Variants in POC1A observed in about 807,000 individuals in gnomAD.
POC1A encodes POC1 centriolar protein homolog A.
In POC1A, 34 loss-of-function variants were observed where a neutral mutation model predicts 47.8. The ratio of observed to expected loss-of-function variants is 0.71; its 90% confidence interval spans 0.54 to 0.95. The LOEUF is 0.95. Ranked by LOEUF, POC1A falls within the 40% of genes least tolerant of loss-of-function variation. The pLI, the probability that POC1A is intolerant of heterozygous loss-of-function variation, is 0.00. For missense variants in POC1A, 466 were observed against 528.3 expected (o/e 0.88, Z 1.16); for synonymous variants, 177 against 207.6 (o/e 0.85, Z 1.27).
intron 10 of POC1A, among the ~76,000 whole-genome samples, chr3:52,082,695 T>C (rs574399081): frequency 2.0e-5 from 3 of 152,128 alleles, no homozygotes; most frequent in Admixed American, 6.5e-5. Flanking sequence ...CTTCTGAGCA[T>C]GGTATAAAAA....
intron 4 of POC1A, among the ~76,000 whole-genome samples, chr3:52,148,324 C>T (rs1328301118): frequency 1.3e-5 from 2 of 152,202 alleles, no homozygotes; most frequent in East Asian, 3.8e-4. Context: ...TCAGGGGTCT[C>T]CCAGGACAAA....
At chr3:52,136,575 T>C (rs1265563919) in intron 7 of POC1A, among the ~76,000 whole-genome samples, 2 of 151,768 alleles carry the variant, frequency 1.3e-5, no homozygotes, top group African/African-American at 4.8e-5. Flanking sequence ...GGTTCGTTTC[T>C]CTTCTTCTCC....
At chr3:52,106,383 TG>T (rs1214264474) in intron 9 of POC1A, among the ~76,000 whole-genome samples, 1 of 151,692 alleles carries the variant, frequency 6.6e-6, no homozygotes, top group East Asian at 1.9e-4. Context: ...AGGGGCCAGG[TG>T]TGATGGCATG....
chr3:52,108,000 C>T (rs1280463521), intron 9 of POC1A, among the ~76,000 whole-genome samples: 2 of 152,202 alleles, frequency 1.3e-5, no homozygotes, highest in Non-Finnish European at 2.9e-5. Context: ...CCTTAGTCCT[C>T]CCTTGTCTTT....
Position 52,122,715 on chromosome 3 carries a change from G to A in POC1A, c.883-238C>T, listed in dbSNP as rs556124374. 6.2e-4 allele frequency among the ~76,000 whole-genome samples: 94 copies of A among 152,342 alleles called. 1 individual carries two copies. The highest frequency in any genetic ancestry group is 2.0e-3 in the African/African-American group (84 of 41,574). ...GGATGGACTACCACGGCGTGGCACC[G>A]CCAGGCCTTCGCACTTGCTGGTTCA... On this transcript the variant is annotated intron_variant, in intron 8 of 10. Transcript: ENST00000296484.
intron 7 of POC1A, among the ~76,000 whole-genome samples, chr3:52,126,824 C>T (rs1704021896): frequency 6.6e-6 from 1 of 152,226 alleles, no homozygotes; most frequent in Non-Finnish European, 1.5e-5. Context: ...CCCACTCCTG[C>T]AAGAATGGCA....
chr3:52,134,252 T>A (rs1311249033), intron 7 of POC1A, among the ~76,000 whole-genome samples: 1 of 152,166 alleles, frequency 6.6e-6, no homozygotes, highest in Non-Finnish European at 1.5e-5. Flanking sequence ...TATAAATGTA[T>A]TTATTACCAC....
chr3:52,153,772 C>T (rs1237342274), intron 1 of POC1A, among the ~76,000 whole-genome samples: 1 of 152,258 alleles, frequency 6.6e-6, no homozygotes, highest in East Asian at 1.9e-4. Flanking sequence ...AGCCTGGAAT[C>T]TCCGTCCATG....
rs940044965 is a variant in POC1A, at chr3:52,090,532, G to A, written c.1125+6037C>T. On this transcript the variant is annotated intron_variant, in intron 10 of 10. Coordinates refer to ENST00000296484, the MANE Select transcript of POC1A (RefSeq NM_015426.5). This position sits in a 1 kb window ranked among gnomAD's most constrained non-coding sequence, Gnocchi z 4.2. ...CTGAAACCTGTTACTCCTGAGGGCAGCTGAGCACTGTGCAGCAGCCCTCTG... is the reference window on the plus strand; with the variant it reads ...CTGAAACCTGTTACTCCTGAGGGCAACTGAGCACTGTGCAGCAGCCCTCTG... 1.3e-5 allele frequency among the ~76,000 whole-genome samples: 2 copies of A among 151,862 alleles called. No homozygotes were observed. Among genetic ancestry groups the A allele is most frequent in the Non-Finnish European group, 2.9e-5 (2 of 67,946 alleles).
intron 7 of POC1A, among the ~76,000 whole-genome samples, chr3:52,134,651 C>G (rs1430156242): frequency 6.6e-6 from 1 of 151,992 alleles, no homozygotes; most frequent in African/African-American, 2.4e-5. Context: ...ATGAAAGAAA[C>G]AAGAGTGAAA....
At chr3:52,146,712 A>T (rs1244688047) in intron 5 of POC1A, among the ~76,000 whole-genome samples, 1 of 152,254 alleles carries the variant, frequency 6.6e-6, no homozygotes, top group Admixed American at 6.5e-5. Context: ...AAGGAGAAAA[A>T]GAGGAGCACA....
At chr3:52,102,369 A>G (rs929804794) in intron 9 of POC1A, among the ~76,000 whole-genome samples, 6 of 152,214 alleles carry the variant, frequency 3.9e-5, no homozygotes, top group Non-Finnish European at 8.8e-5. Flanking sequence ...GCACTAAGGG[A>G]GAATGCTGCC....
At position 52,128,937 on chromosome 3, in the gene POC1A, T is replaced by C. The variant is rs975168410; in HGVS notation, c.814-3756A>G. 3.3e-5 allele frequency among the ~76,000 whole-genome samples: 5 copies of C among 152,344 alleles called. No individual in the cohort carries two copies. In the East Asian group the frequency reaches 9.6e-4, roughly 29 times the overall value. Reference sequence around the variant, plus strand: ...CAGTCATTCACTTCCAAATGTTTAGTTTCCACTGTGATTTCCCCTTCAGCC... The same window carrying C: ...CAGTCATTCACTTCCAAATGTTTAGCTTCCACTGTGATTTCCCCTTCAGCC... On this transcript the variant is annotated intron_variant, in intron 7 of 10. Coordinates refer to ENST00000296484, the MANE Select transcript of POC1A (RefSeq NM_015426.5).
chr3:52,109,166 A>C (rs1416393133), intron 9 of POC1A, among the ~76,000 whole-genome samples: 1 of 152,236 alleles, frequency 6.6e-6, no homozygotes, highest in East Asian at 1.9e-4. Flanking sequence ...TTATTTGAAC[A>C]ATGACACAAT....
chr3:52,143,849 A>G (rs1698278965), intron 6 of POC1A, among the ~76,000 whole-genome samples: 1 of 152,128 alleles, frequency 6.6e-6, no homozygotes, highest in Non-Finnish European at 1.5e-5. Flanking sequence ...AGCACTGCCA[A>G]TCAGGCCACA....
intron 1 of POC1A, among the ~76,000 whole-genome samples, chr3:52,151,529 T>C (rs1698555705): frequency 2.0e-5 from 3 of 149,370 alleles, no homozygotes. Flanking sequence ...GAGAATGGTG[T>C]GAACCCAGGA....
At chr3:52,144,755 C>T (rs1396510964) in intron 6 of POC1A, among the ~76,000 whole-genome samples, 1 of 152,218 alleles carries the variant, frequency 6.6e-6, no homozygotes, top group African/African-American at 2.4e-5. Context: ...CACTCTCCAC[C>T]ATGTGCTGTT....
At chr3:52,087,947 T>C (rs1702514899) in intron 10 of POC1A, among the ~76,000 whole-genome samples, 1 of 152,198 alleles carries the variant, frequency 6.6e-6, no homozygotes, top group East Asian at 1.9e-4. Context: ...CCATAGGCTT[T>C]GCTGGACTCT....
intron 7 of POC1A, among the ~76,000 whole-genome samples, chr3:52,130,750 T>C (rs1241743808): frequency 1.3e-5 from 2 of 152,032 alleles, no homozygotes; most frequent in Non-Finnish European, 2.9e-5. Flanking sequence ...AGAGCTGCCC[T>C]CCACCTGGGG....
Sources: allele counts gnomAD v4.1 joint callset (sites outside exome capture counted in the v4.1 genomes callset), GRCh38; gene constraint gnomAD v4.1.1; non-coding constraint Gnocchi (gnomAD v3.1); transcripts MANE v1.5; gene names NCBI Gene and HGNC (gene_info 2026-07-23, HGNC 2026-07-21).